ATP8B2: variants seen among roughly 807,000 people sequenced by gnomAD.
The protein encoded by ATP8B2 is ATPase phospholipid transporting 8B2, also known as phospholipid-transporting ATPase ID.
Under a neutral mutation model 133.4 loss-of-function variants are expected in ATP8B2, and 70 were observed. The observed-to-expected ratio is 0.52, with a 90% CI of 0.43 to 0.64. ATP8B2 has a LOEUF of 0.64. Among genes scored for constraint, ATP8B2 ranks in the 30% least tolerant of loss-of-function variants. The probability of loss-of-function intolerance (pLI) is 0.00; values close to 1 mark genes in which losing one functional copy is unlikely to be tolerated. For synonymous variants in ATP8B2, 517 were observed against 589.5 expected, an observed-to-expected ratio of 0.88 and a Z score of 1.78; for missense variants, 1,101 against 1,535.7, an observed-to-expected ratio of 0.72 and a Z score of 4.73.
At position 154,331,993 on chromosome 1, in the gene ATP8B2, C is replaced by T; in HGVS notation, c.478C>T (p.Leu160=). Residue 160 remains leucine (L), a synonymous_variant, in exon 8 of 28, where the codon CTG becomes TTG. Coordinates refer to ENST00000368489, the MANE Select transcript of ATP8B2 (RefSeq NM_001370597.1). This position sits in a 1 kb window ranked among gnomAD's most constrained non-coding sequence, Gnocchi z 4.8. ...CCTTTCCAGCAGTGAGCCCCATGGG[C>T]TGTGTTACATAGAGACAGCAGAACT... ...LLLSSSEPHG[L]CYIETAELDG... is the part of the protein sequence containing the mutation. 1 of 1,614,148 alleles carries T rather than the reference C, an allele frequency of 6.2e-7. No individual in the cohort carries two copies. The highest frequency in any genetic ancestry group is 8.5e-7 in the Non-Finnish European group (1 of 1,179,982).
rs1558274524 is a variant in ATP8B2 at position 154,344,391 on chromosome 1, G to A, written c.2036-4G>A. On this transcript the variant is annotated splice_polypyrimidine_tract_variant and splice_region_variant and intron_variant, in intron 19 of 27. Coordinates refer to ENST00000368489, the MANE Select transcript of ATP8B2 (RefSeq NM_001370597.1). The surrounding 1 kb of genome is among the most constrained non-coding windows in gnomAD (Gnocchi z 4.1). ...TCCGTAGCTCCTGCGTTCTCTCTTG[G>A]TAGAGACGGCTGTGAACATCGGCTA... 6.2e-7 allele frequency: 1 copy of A among 1,614,154 alleles called. No homozygotes were observed. Among genetic ancestry groups the A allele is most frequent in the African/African-American group, 1.3e-5 (1 of 75,032 alleles).
In ATP8B2 at chr1:154,351,296, A is replaced by G. The variant is rs11589949; in HGVS notation, c.*2178A>G. The G allele has an allele frequency of 0.12, 18,360 of 152,554 alleles. 1,394 individuals are homozygous for G. The highest frequency in any genetic ancestry group is 0.21 in the South Asian group (1,027 of 4,822). 9.5% of individuals were successfully genotyped at this position (152,554 alleles called of 1,614,324 possible). A position where few individuals can be genotyped will look rare whatever the true frequency, so the allele number is the denominator to read the frequency against. On this transcript the variant is annotated 3_prime_UTR_variant, in exon 28 of 28. Transcript: ENST00000368489. Reference sequence around the variant, plus strand: ...GAAAAATGCCTTTTTATAAAATTTCAATTTCTGAGAAGTGTGTAATTTGTC... The same window carrying G: ...GAAAAATGCCTTTTTATAAAATTTCGATTTCTGAGAAGTGTGTAATTTGTC...
Position 154,340,941 on chromosome 1 carries a change from C to A in ATP8B2, c.1122C>A (p.Ala374=), listed in dbSNP as rs1020145118. 4 of 1,614,144 alleles carry A rather than the reference C, an allele frequency of 2.5e-6. No homozygotes were observed. The highest frequency in any genetic ancestry group is 3.4e-6 in the Non-Finnish European group (4 of 1,180,028). Residue 374 remains alanine, a synonymous_variant, in exon 13 of 28, where the codon GCC becomes GCA. Transcript: ENST00000368489. This position sits in a 1 kb window ranked among gnomAD's most constrained non-coding sequence, Gnocchi z 4.0. ...TGAAGAAGCGGACGCCTGCAGAAGC[C>A]CGCACCACCACCCTAAACGAGGAGC... is the stretch of plus-strand genomic sequence containing the variant. ...FCMKKRTPAE[A]RTTTLNEELG... is the part of the protein sequence containing the mutation.
intron 27 of ATP8B2, 54 bp from the exon 28 acceptor site, chr1:154,348,786 C>T (rs953153015): frequency 1.1e-5 from 16 of 1,505,080 alleles, no homozygotes; most frequent in African/African-American, 4.1e-5. Context: ...TTCTCCTTGG[C>T]GATATCTGAC....
rs564296544 is a variant in ATP8B2, at chr1:154,327,090, G to T, written c.-37-1015G>T. ...GAGAACTGGTGTGGGTGACTGGGTT[G>T]TGGCCAGAATCTGTAATTATAGAGC... is the stretch of plus-strand genomic sequence containing the variant. On this transcript the variant is annotated intron_variant, in intron 1 of 27. Coordinates refer to ENST00000368489, the MANE Select transcript of ATP8B2 (RefSeq NM_001370597.1). Among the ~76,000 whole-genome samples the T allele has an allele frequency of 2.6e-4, 40 of 152,356 alleles. No homozygotes were observed. In the South Asian group the frequency reaches 8.3e-3, roughly 32 times the overall value.
At chr1:154,348,590 G>A (rs775287200) in intron 27 of ATP8B2, 52 bp downstream of exon 27, 1 of 1,602,064 alleles carries the variant, frequency 6.2e-7, no homozygotes, top group Non-Finnish European at 8.5e-7. Context: ...TGGCTGGAAA[G>A]GCCTCATGTG....
At position 154,328,848 on chromosome 1, in the gene ATP8B2, C is replaced by T. The variant is rs935212963; in HGVS notation, c.31+676C>T. The T allele has an allele frequency of 1.6e-4, 177 of 1,127,094 alleles. No homozygotes were observed. The highest frequency in any genetic ancestry group is 1.9e-4 in the Non-Finnish European group (171 of 908,068). 69.8% of individuals were successfully genotyped at this position (1,127,094 alleles called of 1,614,324 possible). A position where few individuals can be genotyped will look rare whatever the true frequency, so the allele number is the denominator to read the frequency against. ...GCGGCCGGGAGGATGGCCTGGGCTG[C>T]GGGTGGGGCGCGCGCCCGACGGCTG... On this transcript the variant is annotated intron_variant, in intron 2 of 27. Coordinates refer to ENST00000368489, the MANE Select transcript of ATP8B2 (RefSeq NM_001370597.1). The surrounding 1 kb of genome is among the most constrained non-coding windows in gnomAD (Gnocchi z 4.6).
At position 154,331,276 on chromosome 1, in the gene ATP8B2, A is replaced by G; in HGVS notation, c.303+130A>G. 1.8e-6 allele frequency: 2 copies of G among 1,135,474 alleles called. No homozygotes were observed. The highest frequency in any genetic ancestry group is 2.6e-6 in the Non-Finnish European group (2 of 778,544). The allele number at this position is 1,135,474 out of a possible 1,614,324, so 70.3% of individuals were successfully genotyped here. On this transcript the variant is annotated intron_variant, in intron 5 of 27. Coordinates refer to ENST00000368489, the MANE Select transcript of ATP8B2 (RefSeq NM_001370597.1). This position sits in a 1 kb window ranked among gnomAD's most constrained non-coding sequence, Gnocchi z 4.8. ...TTGACATCCCTTACCCGGTCCAGCT[A>G]GATCCATGATGTCTTTTTGCTGAGC...
At chr1:154,348,690 C>T (rs1686680453) in intron 27 of ATP8B2, 150 bp from the exon 28 acceptor site, 1 of 1,392,060 alleles carries the variant, frequency 7.2e-7, no homozygotes, top group Non-Finnish European at 9.6e-7. Flanking sequence ...GTGCAGCTGG[C>T]CACAGAGGCC....
chr1:154,334,034 C>T lies in ATP8B2; in HGVS notation c.590-73C>T. 1.3e-6 allele frequency: 2 copies of T among 1,554,642 alleles called. No homozygotes were observed. Among genetic ancestry groups the T allele is most frequent in the South Asian group, 1.2e-5 (1 of 85,094 alleles). On this transcript the variant is annotated intron_variant, in intron 9 of 27. Transcript: ENST00000368489. The surrounding 1 kb of genome is among the most constrained non-coding windows in gnomAD (Gnocchi z 4.6). ...GCATCCTCTTCGCTCAGCTCATTTT[C>T]TCTTTGTTTTATTGTCTTGTGGTTA...
Position 154,328,315 on chromosome 1 carries a change from C to T in ATP8B2, c.31+143C>T. 5 of 883,686 alleles carry T rather than the reference C, an allele frequency of 5.7e-6. No homozygotes were observed. Among genetic ancestry groups the T allele is most frequent in the Non-Finnish European group, 9.2e-6 (5 of 544,050 alleles). The allele number at this position is 883,686 out of a possible 1,614,324, so 54.7% of individuals were successfully genotyped here. A position where few individuals can be genotyped will look rare whatever the true frequency, so the allele number is the denominator to read the frequency against. On this transcript the variant is annotated intron_variant, in intron 2 of 27. Coordinates refer to ENST00000368489, the MANE Select transcript of ATP8B2 (RefSeq NM_001370597.1). This position sits in a 1 kb window ranked among gnomAD's most constrained non-coding sequence, Gnocchi z 4.6. ...AGCCCCTACCCAGCTTGGGGGCAGC[C>T]TAGGAAACCGAATTCTTCCGCTTGA...
At position 154,343,838 on chromosome 1, in the gene ATP8B2, G is replaced by T; in HGVS notation, c.1759-55G>T. 1 of 1,548,544 alleles carries T rather than the reference G, an allele frequency of 6.5e-7. No homozygotes were observed. Among genetic ancestry groups the T allele is most frequent in the Non-Finnish European group, 8.7e-7 (1 of 1,145,656 alleles). ...CAGGATTATTCATTGTCGCCCTCACGCTGTCCATTAGCTCTCCAGACTTAC... is the reference window on the plus strand; with the variant it reads ...CAGGATTATTCATTGTCGCCCTCACTCTGTCCATTAGCTCTCCAGACTTAC... On this transcript the variant is annotated intron_variant, in intron 17 of 27. Coordinates refer to ENST00000368489, the MANE Select transcript of ATP8B2 (RefSeq NM_001370597.1). The surrounding 1 kb of genome is among the most constrained non-coding windows in gnomAD (Gnocchi z 5.8).
chr1:154,342,622 A>G, intron 14 of ATP8B2, 99 bp downstream of exon 14: 1 of 1,483,216 alleles, frequency 6.7e-7, no homozygotes, highest in Middle Eastern at 1.7e-4. Context: ...TAGGAAATGG[A>G]AGCTGCTTGG....
At position 154,334,083 on chromosome 1, in the gene ATP8B2, G is replaced by A. The variant is rs780089601; in HGVS notation, c.590-24G>A. ...TAGGCTGTAGACTGGACCTTAAGCA[G>A]TGGAATTCTTGTCTCCTGTTCAGGT... On this transcript the variant is annotated intron_variant, in intron 9 of 27. Coordinates refer to ENST00000368489, the MANE Select transcript of ATP8B2 (RefSeq NM_001370597.1). This position sits in a 1 kb window ranked among gnomAD's most constrained non-coding sequence, Gnocchi z 4.6. 1 of 1,612,922 alleles carries A rather than the reference G, an allele frequency of 6.2e-7. No individual in the cohort carries two copies. The highest frequency in any genetic ancestry group is 1.7e-5 in the Admixed American group (1 of 60,004).
Position 154,349,078 on chromosome 1 carries a change from G to T in ATP8B2, c.3533G>T (p.Ser1178Ile), listed in dbSNP as rs769288869. 1.2e-6 allele frequency: 2 copies of T among 1,614,240 alleles called. No homozygotes were observed. The highest frequency in any genetic ancestry group is 8.5e-7 in the Non-Finnish European group (1 of 1,180,024). The part of the protein sequence containing the change: ...SLRRKKSDSA[S>I]SPSGGADKPL... ...CGCAGGAAGAAGAGTGACAGTGCCAGTAGCCCCAGTGGCGGTGCCGACAAG... is the reference window on the plus strand; with the variant it reads ...CGCAGGAAGAAGAGTGACAGTGCCATTAGCCCCAGTGGCGGTGCCGACAAG... Residue 1178 changes from serine to isoleucine, a missense_variant, in exon 28 of 28, where the codon AGT (serine) becomes ATT (isoleucine). Transcript: ENST00000368489.
rs1300133222 is a variant in ATP8B2 at position 154,346,237 on chromosome 1, C to T, written c.2785C>T (p.Pro929Ser). Residue 929 changes from proline (P) to serine (S), a missense_variant, in exon 25 of 28, where the codon CCC becomes TCC. Pro to Ser is a moderately conservative substitution (Grantham distance 74). Coordinates refer to ENST00000368489, the MANE Select transcript of ATP8B2 (RefSeq NM_001370597.1). The surrounding 1 kb of genome is among the most constrained non-coding windows in gnomAD (Gnocchi z 4.5). ...ACATGGTCCTCCCACACAGGATGTC[C>T]CCGAGCAGCGGAGCATGGAGTACCC... ...LAMGVFDQDV[P>S]EQRSMEYPKL... 1 of 1,613,524 alleles carries T rather than the reference C, an allele frequency of 6.2e-7. No homozygotes were observed. The highest frequency in any genetic ancestry group is 8.5e-7 in the Non-Finnish European group (1 of 1,179,880).
Position 154,334,191 on chromosome 1 carries a change from G to A in ATP8B2, c.674G>A (p.Ser225Asn), listed in dbSNP as rs765402135. 6 of 1,614,222 alleles carry A rather than the reference G, an allele frequency of 3.7e-6. No individual in the cohort carries two copies. The highest frequency in any genetic ancestry group is 4.2e-6 in the Non-Finnish European group (5 of 1,180,050). Residue 225 changes from serine (S) to asparagine (N), a missense_variant, in exon 10 of 28, where the codon AGC becomes AAC. Transcript: ENST00000368489. The surrounding 1 kb of genome is among the most constrained non-coding windows in gnomAD (Gnocchi z 4.6). ...LYWKENKFPL[S>N]NQNMLLRGCV... Reference sequence around the variant, plus strand: ...TGGAAGGAAAATAAGTTCCCTCTGAGCAACCAGAACATGCTGCTGCGGGGC... The same window carrying A: ...TGGAAGGAAAATAAGTTCCCTCTGAACAACCAGAACATGCTGCTGCGGGGC...
At chr1:154,341,775 A>G (rs1322738580) in intron 13 of ATP8B2, 1 of 147,916 alleles carries the variant, frequency 6.8e-6, no homozygotes, top group African/African-American at 2.5e-5. Context: ...CCTGGGCGAC[A>G]AGAGTGAAAG....
intron 2 of ATP8B2, among the ~76,000 whole-genome samples, chr1:154,329,373 G>C (rs1330278635): frequency 1.3e-5 from 2 of 152,162 alleles, no homozygotes; most frequent in South Asian, 4.1e-4. Flanking sequence ...AGGGGTCCTG[G>C]GGTGTGTAGA....
Sources: gnomAD v4.1 joint callset for allele counts (sites outside exome capture counted in the v4.1 genomes callset) on GRCh38, gnomAD v4.1.1 for gene constraint, Gnocchi (gnomAD v3.1) non-coding constraint, MANE v1.5 for transcripts, NCBI Gene and HGNC (gene_info 2026-07-23, HGNC 2026-07-21) for gene names.